SLC24A3: variants seen among roughly 807,000 people sequenced by gnomAD.
The protein encoded by SLC24A3 is solute carrier family 24 member 3.
SLC24A3 carries 28 observed loss-of-function variants against 75.8 expected under a neutral mutation model. The observed-to-expected ratio is 0.37, with a 90% CI of 0.27 to 0.51. The LOEUF (loss-of-function observed/expected upper bound fraction) is 0.51, where lower values mean the gene tolerates loss of function less well. Ranked by LOEUF, SLC24A3 falls within the 20% of genes least tolerant of loss-of-function variation. The probability of loss-of-function intolerance (pLI) is 0.94; values close to 1 mark genes in which losing one functional copy is unlikely to be tolerated. For synonymous variants in SLC24A3, 372 were observed against 334.1 expected (o/e 1.11, Z -1.24); for missense variants, 663 against 847.8 (o/e 0.78, Z 2.71).
chr20:19,511,590 G>A (rs975406242), intron 2 of SLC24A3, among the ~76,000 whole-genome samples: 2 of 152,056 alleles, frequency 1.3e-5, no homozygotes, highest in African/African-American at 4.8e-5. Context: ...GCCTCCCAAA[G>A]TGCTGGGATT....
rs370465262 is a variant in SLC24A3, at chr20:19,704,245, C to T, written c.1719+5565C>T. 1.2e-4 allele frequency among the ~76,000 whole-genome samples: 19 copies of T among 152,068 alleles called. 2 individuals are homozygous for T. The East Asian group carries it at 1.9e-3, about 15-fold the overall frequency. ...CATGTGTGAGCAAAGAAGAACAGAG[C>T]AGTAGGGTGACTTGAGAAGAGAGTA... On this transcript the variant is annotated intron_variant, in intron 15 of 16. Transcript: ENST00000328041.
chr20:19,336,206 A>C (rs971582892), intron 2 of SLC24A3, among the ~76,000 whole-genome samples: 3 of 151,788 alleles, frequency 2.0e-5, no homozygotes, highest in African/African-American at 7.3e-5. Context: ...TCGGGAAACT[A>C]CCCCCGTTTT....
intron 2 of SLC24A3, among the ~76,000 whole-genome samples, chr20:19,509,082 C>G (rs559266639): frequency 6.6e-6 from 1 of 152,264 alleles, no homozygotes; most frequent in Admixed American, 6.5e-5. Context: ...GATATGTGAC[C>G]CCAGGAAGCA....
At chr20:19,677,926 T>C (rs2032546743) in intron 9 of SLC24A3, among the ~76,000 whole-genome samples, 1 of 151,358 alleles carries the variant, frequency 6.6e-6, no homozygotes, top group African/African-American at 2.4e-5. Flanking sequence ...GCATGCTGCC[T>C]TCAAGCATCT....
At chr20:19,661,985 G>GT (rs1343780434) in intron 7 of SLC24A3, among the ~76,000 whole-genome samples, 1 of 152,196 alleles carries the variant, frequency 6.6e-6, no homozygotes, top group Non-Finnish European at 1.5e-5. Context: ...GTACCCAGCC[G>GT]TTTCTCTGAA....
intron 6 of SLC24A3, among the ~76,000 whole-genome samples, chr20:19,618,083 G>A (rs1208165397): frequency 6.6e-6 from 1 of 151,952 alleles, no homozygotes; most frequent in African/African-American, 2.4e-5. Context: ...GGAAAGGAGT[G>A]TCAGCCTGTC....
intron 2 of SLC24A3, among the ~76,000 whole-genome samples, chr20:19,309,732 GCTT>G (rs2122258620): frequency 6.6e-6 from 1 of 152,344 alleles, no homozygotes; most frequent in South Asian, 2.1e-4. Flanking sequence ...CTTTTTGCAA[GCTT>G]CTTCTCTGTG....
chr20:19,705,849 T>C (rs76196433), intron 15 of SLC24A3, among the ~76,000 whole-genome samples: 1,600 of 152,356 alleles, frequency 0.011, 29 homozygotes, highest in African/African-American at 0.036. Flanking sequence ...CATTTCTTAA[T>C]ACTCTGTGGC....
At chr20:19,599,913 A>G (rs2031503614) in intron 6 of SLC24A3, among the ~76,000 whole-genome samples, 1 of 152,160 alleles carries the variant, frequency 6.6e-6, no homozygotes, top group South Asian at 2.1e-4. Context: ...AACAGCCAGG[A>G]GATTCTTCTA....
At chr20:19,517,776 C>A (rs1340748079) in intron 3 of SLC24A3, among the ~76,000 whole-genome samples, 1 of 152,220 alleles carries the variant, frequency 6.6e-6, no homozygotes, top group Non-Finnish European at 1.5e-5. Flanking sequence ...TTCTCCCTGG[C>A]TCCTCTTCTT....
chr20:19,531,686 A>G (rs559590651), intron 3 of SLC24A3, among the ~76,000 whole-genome samples: 6 of 152,284 alleles, frequency 3.9e-5, no homozygotes, highest in South Asian at 2.1e-4. Context: ...AGCTTTGGAA[A>G]CCAGTGATGC....
intron 3 of SLC24A3, among the ~76,000 whole-genome samples, chr20:19,567,871 G>A (rs117603397): frequency 1.3e-5 from 2 of 152,120 alleles, no homozygotes; most frequent in Non-Finnish European, 2.9e-5. Flanking sequence ...GAAAATATTT[G>A]CAAATCGTAT....
chr20:19,240,247 A>G (rs1173544122), intron 1 of SLC24A3, among the ~76,000 whole-genome samples: 1 of 152,166 alleles, frequency 6.6e-6, no homozygotes. Context: ...CTGTGTCTGA[A>G]ACTAGAGGCT....
chr20:19,427,908 G>T (rs73288769), intron 2 of SLC24A3, among the ~76,000 whole-genome samples: 5,218 of 152,210 alleles, frequency 0.034, 309 homozygotes, highest in African/African-American at 0.12. Flanking sequence ...TAATATCAGT[G>T]GATTAATCCA....
intron 7 of SLC24A3, among the ~76,000 whole-genome samples, chr20:19,662,725 A>G (rs1478942552): frequency 6.6e-6 from 1 of 152,260 alleles, no homozygotes; most frequent in Non-Finnish European, 1.5e-5. Flanking sequence ...CTAGTAGAGC[A>G]TAAACTACAG....
At chr20:19,325,000 G>T (rs1984805086) in intron 2 of SLC24A3, among the ~76,000 whole-genome samples, 2 of 148,050 alleles carry the variant, frequency 1.4e-5, no homozygotes, top group African/African-American at 5.0e-5. Context: ...GAAGGTGAAT[G>T]GACGGTAGAT....
chr20:19,491,174 A>G (rs1988204496), intron 2 of SLC24A3, among the ~76,000 whole-genome samples: 1 of 151,926 alleles, frequency 6.6e-6, no homozygotes, highest in Non-Finnish European at 1.5e-5. Context: ...AGCAGCACCA[A>G]CCTTCTTTCC....
chr20:19,511,623 G>A (rs183925497), intron 2 of SLC24A3, among the ~76,000 whole-genome samples: 107 of 152,312 alleles, frequency 7.0e-4, no homozygotes, highest in African/African-American at 2.0e-3. Flanking sequence ...CACCGCGCCC[G>A]GCCTGGGCTT....
intron 2 of SLC24A3, among the ~76,000 whole-genome samples, chr20:19,441,708 G>C (rs1011923552): frequency 6.6e-6 from 1 of 152,024 alleles, no homozygotes; most frequent in Non-Finnish European, 1.5e-5. Context: ...GTTCATATTA[G>C]GGTTTATTCT....
Sources: gnomAD v4.1 joint callset for allele counts (sites outside exome capture counted in the v4.1 genomes callset) on GRCh38, gnomAD v4.1.1 for gene constraint, MANE v1.5 for transcripts, NCBI Gene and HGNC (gene_info 2026-07-23, HGNC 2026-07-21) for gene names.